Variants in SCFD2 observed in about 807,000 individuals in gnomAD.
SCFD2 encodes the protein sec1 family domain containing 2.
SCFD2 carries 54 observed loss-of-function variants against 58.9 expected under a neutral mutation model. That is an observed-to-expected ratio of 0.92 (90% CI 0.74 to 1.15). The LOEUF (loss-of-function observed/expected upper bound fraction) is 1.15, where lower values mean the gene tolerates loss of function less well. SCFD2 is among the 50% of genes most tolerant of loss of function. The pLI is 0.00. For missense variants in SCFD2, 805 were observed against 836.6 expected (o/e 0.96, Z 0.47); for synonymous variants, 321 against 335.9 (o/e 0.96, Z 0.49).
At chr4:52,997,682 T>C (rs547810523) in intron 5 of SCFD2, among the ~76,000 whole-genome samples, 15 of 152,192 alleles carry the variant, frequency 9.9e-5, no homozygotes, top group African/African-American at 3.1e-4. Context: ...TCAGAGAAAA[T>C]AGACTTTAGG....
intron 4 of SCFD2, among the ~76,000 whole-genome samples, chr4:53,220,484 A>T (rs1405066979): frequency 1.3e-5 from 2 of 152,238 alleles, no homozygotes; most frequent in Non-Finnish European, 2.9e-5. Context: ...TTATTTGTTG[A>T]AATAACTAAG....
chr4:53,193,336 T>C (rs1460436993), intron 4 of SCFD2, among the ~76,000 whole-genome samples: 1 of 152,186 alleles, frequency 6.6e-6, no homozygotes, highest in African/African-American at 2.4e-5. Flanking sequence ...ACAGTCAAGG[T>C]TGCTGTGATT....
chr4:53,255,325 C>A (rs939656700), intron 4 of SCFD2, among the ~76,000 whole-genome samples: 11 of 151,874 alleles, frequency 7.2e-5, no homozygotes, highest in African/African-American at 9.7e-5. Context: ...AAGTGAACAA[C>A]GGTCTCTGGT....
At chr4:53,087,439 T>C (rs986284897) in intron 5 of SCFD2, among the ~76,000 whole-genome samples, 2 of 152,090 alleles carry the variant, frequency 1.3e-5, no homozygotes, top group Non-Finnish European at 2.9e-5. Flanking sequence ...GTTCAAGTGA[T>C]TCTCCTGCCT....
At chr4:53,250,178 C>A (rs545599866) in intron 4 of SCFD2, among the ~76,000 whole-genome samples, 61 of 152,228 alleles carry the variant, frequency 4.0e-4, no homozygotes, top group African/African-American at 1.4e-3. Flanking sequence ...AGACTTTAAA[C>A]CAACAAAGAT....
chr4:52,992,127 C>T, intron 5 of SCFD2, among the ~76,000 whole-genome samples: 1 of 152,164 alleles, frequency 6.6e-6, no homozygotes, highest in East Asian at 1.9e-4. Flanking sequence ...AACCTCCCTG[C>T]CTGATTCTCC....
chr4:52,938,774 A>T (rs949293464), intron 5 of SCFD2, among the ~76,000 whole-genome samples: 8 of 152,190 alleles, frequency 5.3e-5, no homozygotes, highest in African/African-American at 1.4e-4. Context: ...GATTAAAGTA[A>T]CCTAAATGAA....
At chr4:52,902,480 C>T (rs956744161) in intron 7 of SCFD2, among the ~76,000 whole-genome samples, 8 of 152,140 alleles carry the variant, frequency 5.3e-5, no homozygotes, top group Admixed American at 1.3e-4. Flanking sequence ...TGTATCTATT[C>T]TCTTCTATTT....
At chr4:53,224,740 T>C (rs1006460759) in intron 4 of SCFD2, among the ~76,000 whole-genome samples, 2 of 151,792 alleles carry the variant, frequency 1.3e-5, no homozygotes, top group Admixed American at 6.5e-5. Flanking sequence ...TTTGGGGTAA[T>C]TTGCTATGCA....
At chr4:53,337,383 C>T (rs570822018) in intron 2 of SCFD2, among the ~76,000 whole-genome samples, 2 of 152,296 alleles carry the variant, frequency 1.3e-5, no homozygotes, top group East Asian at 1.9e-4. Flanking sequence ...TCTCAAAATA[C>T]AGTCACACTC....
intron 4 of SCFD2, among the ~76,000 whole-genome samples, chr4:53,145,876 A>G (rs1281556515): frequency 6.6e-6 from 1 of 152,204 alleles, no homozygotes; most frequent in African/African-American, 2.4e-5. Flanking sequence ...AAAAAAAAGT[A>G]AGTACTTCAG....
At chr4:53,265,100 A>G (rs912483089) in intron 4 of SCFD2, among the ~76,000 whole-genome samples, 7 of 152,218 alleles carry the variant, frequency 4.6e-5, no homozygotes, top group Non-Finnish European at 1.0e-4. Flanking sequence ...CTTCCTTAAT[A>G]CATTGTTTGC....
chr4:52,997,086 CTAGGTT>C (rs796608934), intron 5 of SCFD2, among the ~76,000 whole-genome samples: 7 of 152,356 alleles, frequency 4.6e-5, no homozygotes, highest in African/African-American at 1.7e-4. Context: ...CAGCTATTGA[CTAGGTT>C]TGGCTCAGGT....
Position 53,204,616 on chromosome 4 carries a change from G to C in SCFD2, c.1312-59034C>G, listed in dbSNP as rs73145375. Among the ~76,000 whole-genome samples, 1,295 of 149,892 alleles carry C rather than the reference G, an allele frequency of 8.6e-3. 24 individuals carry two copies. Among genetic ancestry groups the C allele is most frequent in the African/African-American group, 0.03 (1,222 of 40,456 alleles). On this transcript the variant is annotated intron_variant, in intron 4 of 8. Transcript: ENST00000401642. ...AAAAATAGAACAGGGATTTCAGAAA[G>C]GGAAAACAGAGAAAATGGAAAAAGG...
At position 53,366,000 on chromosome 4, in the gene SCFD2, G is replaced by A. The variant is rs755525250; in HGVS notation, c.-59C>T. 4.0e-4 allele frequency: 601 copies of A among 1,498,474 alleles called. 1 individual carries two copies. Among genetic ancestry groups the A allele is most frequent in the Non-Finnish European group, 5.2e-4 (585 of 1,130,800 alleles). The allele number at this position is 1,498,474 out of a possible 1,614,324, so 92.8% of individuals were successfully genotyped here. On this transcript the variant is annotated 5_prime_UTR_variant, in exon 1 of 9. Coordinates refer to ENST00000401642, the MANE Select transcript of SCFD2 (RefSeq NM_152540.4). The surrounding 1 kb of genome is among the most constrained non-coding windows in gnomAD (Gnocchi z 4.3). ...GCAGGAACTTCTTTCAGAACTCACCGCTTCCGGAAATTGGGCTCCGGGAGA... is the reference window on the plus strand; with the variant it reads ...GCAGGAACTTCTTTCAGAACTCACCACTTCCGGAAATTGGGCTCCGGGAGA...
intron 5 of SCFD2, among the ~76,000 whole-genome samples, chr4:52,945,920 T>TG (rs534777088): frequency 1.8e-4 from 27 of 152,336 alleles, no homozygotes; most frequent in African/African-American, 6.0e-4. Context: ...TCGAACATTT[T>TG]GGGGGGTTAT....
intron 5 of SCFD2, among the ~76,000 whole-genome samples, chr4:53,141,864 C>G (rs148197633): frequency 1.3e-5 from 2 of 152,160 alleles, no homozygotes; most frequent in East Asian, 3.9e-4. Context: ...AGAGAAAGAC[C>G]AATTTGCTTT....
chr4:53,131,344 G>T (rs1350761217), intron 5 of SCFD2, among the ~76,000 whole-genome samples: 1 of 152,202 alleles, frequency 6.6e-6, no homozygotes, highest in Admixed American at 6.5e-5. Flanking sequence ...GGGCCAATGG[G>T]TATCTGAGAT....
intron 5 of SCFD2, among the ~76,000 whole-genome samples, chr4:52,983,429 T>C (rs1721421263): frequency 6.6e-6 from 1 of 152,230 alleles, no homozygotes; most frequent in South Asian, 2.1e-4. Context: ...TATATATGTA[T>C]GCACAAATGT....
Sources: gnomAD v4.1 joint callset for allele counts (sites outside exome capture counted in the v4.1 genomes callset) on GRCh38, gnomAD v4.1.1 for gene constraint, Gnocchi (gnomAD v3.1) non-coding constraint, MANE v1.5 for transcripts, NCBI Gene and HGNC (gene_info 2026-07-23, HGNC 2026-07-21) for gene names.